The following SLIT1 variants were observed in gnomAD, a reference collection of about 807,000 sequenced individuals.
The protein encoded by SLIT1 is slit guidance ligand 1, also known as slit homolog 1 protein.
SLIT1 carries 66 observed loss-of-function variants against 186.1 expected under a neutral mutation model. That is an observed-to-expected ratio of 0.35 (90% confidence interval 0.29 to 0.44). The LOEUF is 0.44. SLIT1 is among the 20% of genes least tolerant of loss of function. SLIT1 has a pLI of 1.00. For synonymous variants in SLIT1, 761 were observed against 833.8 expected, an observed-to-expected ratio of 0.91 and a Z score of 1.50; for missense variants, 1,638 against 2,037.4, an observed-to-expected ratio of 0.80 and a Z score of 3.77.
chr10:97,081,596 G>A (rs1034255549), intron 4 of SLIT1, among the ~76,000 whole-genome samples: 4 of 152,152 alleles, frequency 2.6e-5, no homozygotes, highest in Non-Finnish European at 5.9e-5. Flanking sequence ...AATAGCAAGA[G>A]GTCAGCTTCC....
chr10:97,096,246 A>T (rs1177242733), intron 4 of SLIT1, among the ~76,000 whole-genome samples: 1 of 151,882 alleles, frequency 6.6e-6, no homozygotes, highest in African/African-American at 2.4e-5. Context: ...TTGAGATGTC[A>T]CTTGTTTTTT....
At chr10:97,076,111 A>G (rs1849043191) in intron 4 of SLIT1, among the ~76,000 whole-genome samples, 1 of 152,188 alleles carries the variant, frequency 6.6e-6, no homozygotes, top group Non-Finnish European at 1.5e-5. Context: ...TTTGTCCCAC[A>G]GGCCCTTCCT....
intron 4 of SLIT1, among the ~76,000 whole-genome samples, chr10:97,146,921 T>C (rs1179148971): frequency 8.5e-6 from 1 of 117,408 alleles, no homozygotes; most frequent in African/African-American, 2.8e-5. Context: ...GGAAAAGGCA[T>C]TGCCTTCTCT....
rs1344589832 is a variant in SLIT1, at chr10:97,135,278, G to A, written c.413+22540C>T. Among the ~76,000 whole-genome samples the A allele has an allele frequency of 1.3e-4, 20 of 152,124 alleles. No individual in the cohort carries two copies. In the South Asian group the frequency reaches 3.7e-3, roughly 28 times the overall value. On this transcript the variant is annotated intron_variant, in intron 4 of 36. Coordinates refer to ENST00000266058, the MANE Select transcript of SLIT1 (RefSeq NM_003061.3). ...CGTCTTCATCTGTCCATAACAGTTCGGCCATTTAACATGGTTCTAAAATAC... is the reference window on the plus strand; with the variant it reads ...CGTCTTCATCTGTCCATAACAGTTCAGCCATTTAACATGGTTCTAAAATAC...
At chr10:97,135,623 C>A (rs1849695331) in intron 4 of SLIT1, among the ~76,000 whole-genome samples, 1 of 152,188 alleles carries the variant, frequency 6.6e-6, no homozygotes, top group South Asian at 2.1e-4. Flanking sequence ...CCCCAGGGGG[C>A]TGCAGTGAGT....
intron 4 of SLIT1, among the ~76,000 whole-genome samples, chr10:97,145,934 T>C (rs1849812916): frequency 6.6e-6 from 1 of 152,206 alleles, no homozygotes; most frequent in Non-Finnish European, 1.5e-5. Flanking sequence ...TTCCCGGCCA[T>C]GTCACCAAAA....
At chr10:97,102,616 T>A (rs1849370917) in intron 4 of SLIT1, 1 of 152,366 alleles carries the variant, frequency 6.6e-6, no homozygotes, top group Admixed American at 6.6e-5. Context: ...GATCACTCTG[T>A]AATAGTGTCA....
intron 4 of SLIT1, among the ~76,000 whole-genome samples, chr10:97,108,318 G>A (rs753533693): frequency 3.9e-5 from 6 of 152,186 alleles, no homozygotes; most frequent in Admixed American, 3.3e-4. Flanking sequence ...TCACCTCTCC[G>A]TGCCTCAGTT....
chr10:97,023,871 G>T (rs1376991775), intron 25 of SLIT1, among the ~76,000 whole-genome samples: 2 of 152,160 alleles, frequency 1.3e-5, no homozygotes, highest in Admixed American at 1.3e-4. Flanking sequence ...TAACCCGGGA[G>T]GGGGAGGTTG....
Position 97,111,718 on chromosome 10 carries a change from C to T in SLIT1, c.414-45632G>A, listed in dbSNP as rs79853564. On this transcript the variant is annotated intron_variant, in intron 4 of 36. Transcript: ENST00000266058. ...TGGCGTCAGACAAACAGGGCTTTTG[C>T]TGCTGGAGCCTGCTGCAGCTCACCT... is the stretch of plus-strand genomic sequence containing the variant. Among the ~76,000 whole-genome samples, 792 of 152,318 alleles carry T rather than the reference C, an allele frequency of 5.2e-3. 29 individuals are homozygous for T. The East Asian group carries it at 0.099, about 19-fold the overall frequency.
At chr10:97,122,206 A>G (rs188241467) in intron 4 of SLIT1, among the ~76,000 whole-genome samples, 161 of 152,362 alleles carry the variant, frequency 1.1e-3, no homozygotes, top group African/African-American at 3.8e-3. Flanking sequence ...TCTTGAGATG[A>G]GTACCAACAG....
chr10:97,099,436 G>C (rs907687675), intron 4 of SLIT1, among the ~76,000 whole-genome samples: 1 of 148,716 alleles, frequency 6.7e-6, no homozygotes, highest in African/African-American at 2.5e-5. Context: ...TGCACAAAGA[G>C]AAAAAGACTC....
chr10:97,119,939 A>ATATATATATATATG (rs1292491658), intron 4 of SLIT1, among the ~76,000 whole-genome samples: 21 of 136,706 alleles, frequency 1.5e-4, no homozygotes, highest in Non-Finnish European at 3.2e-4. Flanking sequence ...ATATATATAT[A>ATATATATATATATG]TATATATGTA....
intron 4 of SLIT1, among the ~76,000 whole-genome samples, chr10:97,119,545 C>T (rs1849539677): frequency 1.3e-5 from 2 of 152,032 alleles, no homozygotes. Flanking sequence ...GCTGATGGGC[C>T]GTGAACAGAA....
Position 96,999,941 on chromosome 10 carries a change from A to AGAT in SLIT1, c.*1168_*1170dup, listed in dbSNP as rs1848288392. On this transcript the variant is annotated 3_prime_UTR_variant, in exon 37 of 37. Transcript: ENST00000266058. Reference sequence around the variant, plus strand: ...ATGTGATCAATGTAGATAGATAGATAGATAGATAGGTCTTCTAACTCCTCT... The same window carrying AGAT: ...ATGTGATCAATGTAGATAGATAGATAGATGATAGATAGGTCTTCTAACTCCTCT... 1 of 147,890 alleles carries AGAT rather than the reference A, an allele frequency of 6.8e-6. No individual in the cohort carries two copies. Among genetic ancestry groups the AGAT allele is most frequent in the Non-Finnish European group, 1.5e-5 (1 of 66,434 alleles). 9.2% of individuals were successfully genotyped at this position (147,890 alleles called of 1,614,324 possible).
intron 4 of SLIT1, among the ~76,000 whole-genome samples, chr10:97,075,561 C>T (rs1042879862): frequency 3.9e-5 from 6 of 152,228 alleles, no homozygotes; most frequent in Admixed American, 6.5e-5. Flanking sequence ...GGATTACATG[C>T]TGTGTGTGTC....
At chr10:97,019,363 C>T (rs1048119188) in intron 26 of SLIT1, among the ~76,000 whole-genome samples, 1 of 152,224 alleles carries the variant, frequency 6.6e-6, no homozygotes, top group East Asian at 1.9e-4. Flanking sequence ...GCAAAGCATG[C>T]TTGGCAGGCA....
intron 4 of SLIT1, among the ~76,000 whole-genome samples, chr10:97,086,810 T>C (rs950605093): frequency 1.3e-5 from 2 of 152,156 alleles, no homozygotes; most frequent in African/African-American, 4.8e-5. Context: ...AACCACTCTG[T>C]GTGATACTAC....
intron 1 of SLIT1, among the ~76,000 whole-genome samples, chr10:97,165,715 A>G (rs1465374512): frequency 1.3e-5 from 2 of 152,126 alleles, no homozygotes; most frequent in Non-Finnish European, 2.9e-5. Context: ...GGGGGGCCTG[A>G]CAGGAGGCCA....
Sources: gnomAD v4.1 joint callset for allele counts (sites outside exome capture counted in the v4.1 genomes callset) on GRCh38, gnomAD v4.1.1 for gene constraint, MANE v1.5 for transcripts, NCBI Gene and HGNC (gene_info 2026-07-23, HGNC 2026-07-21) for gene names.